The following KCNIP4 variants were observed in gnomAD, a reference collection of about 807,000 sequenced individuals.
The protein encoded by KCNIP4 is potassium voltage-gated channel interacting protein 4.
Under a neutral mutation model 34.0 loss-of-function variants are expected in KCNIP4, and 12 were observed. The ratio of observed to expected loss-of-function variants is 0.35; its 90% CI spans 0.23 to 0.57. The LOEUF (loss-of-function observed/expected upper bound fraction) is 0.57, where lower values mean the gene tolerates loss of function less well. Among genes scored for constraint, KCNIP4 ranks in the 20% least tolerant of loss-of-function variants. The probability of loss-of-function intolerance (pLI) is 0.83; values close to 1 mark genes in which losing one functional copy is unlikely to be tolerated. For synonymous variants in KCNIP4, 124 were observed against 102.2 expected (o/e 1.21, Z -1.29); for missense variants, 238 against 311.7 (o/e 0.76, Z 1.78).
chr4:21,718,522 A>T (rs1714562585), intron 1 of KCNIP4: 1 of 152,252 alleles, frequency 6.6e-6, no homozygotes, highest in African/African-American at 2.4e-5. Flanking sequence ...ACTTAGGTAA[A>T]TAAATGTATG....
intron 1 of KCNIP4, among the ~76,000 whole-genome samples, chr4:21,699,644 T>C (rs779126544): frequency 2.0e-5 from 3 of 152,134 alleles, no homozygotes; most frequent in Non-Finnish European, 4.4e-5. Flanking sequence ...GCGAATGAGC[T>C]TGGCATCCTT....
intron 1 of KCNIP4, among the ~76,000 whole-genome samples, chr4:21,093,131 A>G (rs746303624): frequency 2.6e-4 from 40 of 152,204 alleles, no homozygotes; most frequent in Non-Finnish European, 4.7e-4. Flanking sequence ...CCTTCCTAAT[A>G]AAACCATTAA....
At chr4:21,086,699 T>C (rs1180215465) in intron 1 of KCNIP4, among the ~76,000 whole-genome samples, 1 of 152,096 alleles carries the variant, frequency 6.6e-6, no homozygotes, top group Non-Finnish European at 1.5e-5. Context: ...CCAAGAAAAA[T>C]TCTTCTATCT....
chr4:21,773,216 T>C (rs564023271), intron 1 of KCNIP4, among the ~76,000 whole-genome samples: 20 of 152,268 alleles, frequency 1.3e-4, no homozygotes, highest in South Asian at 1.2e-3. Context: ...TTCCATGAAA[T>C]TTTGTGGTTT....
Position 21,634,223 on chromosome 4 carries a change from CAAA to C in KCNIP4, c.61+314345_61+314347del, listed in dbSNP as rs376741978. Among the ~76,000 whole-genome samples, 629 of 112,486 alleles carry C rather than the reference CAAA, an allele frequency of 5.6e-3. 9 individuals carry two copies. The highest frequency in any genetic ancestry group is 0.018 in the African/African-American group (546 of 31,110). The allele number at this position is 112,486 out of a possible 152,430, so 73.8% of individuals were successfully genotyped here. A position where few individuals can be genotyped will look rare whatever the true frequency, so the allele number is the denominator to read the frequency against. On this transcript the variant is annotated intron_variant, in intron 1 of 8. Coordinates refer to ENST00000382152, the MANE Select transcript of KCNIP4 (RefSeq NM_025221.6). The stretch of plus-strand genomic sequence containing the variant: ...TTAGGAAAGCTACGGGTTCTTTCCT[CAAA>C]AAAAAAAAAAAAAAAAAAAAACACA...
At chr4:21,865,746 T>C (rs1486021363) in intron 1 of KCNIP4, among the ~76,000 whole-genome samples, 2 of 151,920 alleles carry the variant, frequency 1.3e-5, no homozygotes, top group African/African-American at 4.8e-5. Flanking sequence ...TTTTACCATG[T>C]TGGCCAGGCT....
At chr4:21,384,115 C>T (rs1401415885) in intron 1 of KCNIP4, among the ~76,000 whole-genome samples, 1 of 152,104 alleles carries the variant, frequency 6.6e-6, no homozygotes, top group Non-Finnish European at 1.5e-5. Context: ...TTTTGCATGT[C>T]TATCTCCTTA....
chr4:20,881,767 T>C (rs2149523652), intron 2 of KCNIP4, among the ~76,000 whole-genome samples: 1 of 152,306 alleles, frequency 6.6e-6, no homozygotes, highest in South Asian at 2.1e-4. Flanking sequence ...GCTGTGAAGG[T>C]ATTTTGTCGA....
intron 1 of KCNIP4, among the ~76,000 whole-genome samples, chr4:21,713,618 T>C (rs1713918559): frequency 6.6e-6 from 1 of 152,204 alleles, no homozygotes. Context: ...TTTTGAGTCC[T>C]CTCTTCTAGC....
intron 1 of KCNIP4, among the ~76,000 whole-genome samples, chr4:21,547,076 T>A (rs1213406203): frequency 6.6e-6 from 1 of 152,146 alleles, no homozygotes; most frequent in Non-Finnish European, 1.5e-5. Context: ...TGATCCACTG[T>A]GATCAAACCA....
intron 1 of KCNIP4, among the ~76,000 whole-genome samples, chr4:21,734,400 C>T (rs1274737091): frequency 6.8e-6 from 1 of 147,262 alleles, no homozygotes; most frequent in Non-Finnish European, 1.5e-5. Context: ...AAGTAGAACT[C>T]AGTGGAATTC....
chr4:21,590,410 T>A (rs1742103277), intron 1 of KCNIP4, among the ~76,000 whole-genome samples: 3 of 151,834 alleles, frequency 2.0e-5, no homozygotes, highest in Non-Finnish European at 2.9e-5. Flanking sequence ...GTATGAATAA[T>A]CTCAAGACTG....
intron 1 of KCNIP4, among the ~76,000 whole-genome samples, chr4:21,509,607 A>T (rs890810441): frequency 2.0e-5 from 3 of 152,122 alleles, no homozygotes; most frequent in Non-Finnish European, 2.9e-5. Flanking sequence ...GTGAGCCATT[A>T]TCCAAAAACA....
At chr4:21,302,812 T>G (rs1422616894) in intron 1 of KCNIP4, among the ~76,000 whole-genome samples, 1 of 152,200 alleles carries the variant, frequency 6.6e-6, no homozygotes, top group Non-Finnish European at 1.5e-5. Flanking sequence ...AAATGCAATC[T>G]CATTTATGTT....
At chr4:21,191,896 T>C (rs1755674622) in intron 1 of KCNIP4, among the ~76,000 whole-genome samples, 1 of 152,194 alleles carries the variant, frequency 6.6e-6, no homozygotes, top group South Asian at 2.1e-4. Context: ...GTGTTAGTAT[T>C]TTGATTATTT....
intron 1 of KCNIP4, among the ~76,000 whole-genome samples, chr4:21,172,171 G>T (rs1328397516): frequency 6.6e-6 from 1 of 152,036 alleles, no homozygotes; most frequent in Non-Finnish European, 1.5e-5. Context: ...GGGATTATAG[G>T]TATGCGCCAC....
chr4:21,063,821 A>G (rs1317390977), intron 1 of KCNIP4, among the ~76,000 whole-genome samples: 1 of 152,098 alleles, frequency 6.6e-6, no homozygotes, highest in Non-Finnish European at 1.5e-5. Context: ...TTTGAGGGGA[A>G]GTAAAGAGAA....
At chr4:21,034,764 C>T (rs531548680) in intron 1 of KCNIP4, among the ~76,000 whole-genome samples, 20 of 150,310 alleles carry the variant, frequency 1.3e-4, no homozygotes, top group East Asian at 1.2e-3. Flanking sequence ...AAGTAAATGT[C>T]GCTTCCTAAA....
chr4:21,147,956 A>AAAAAAAAAAAAAAAAAAAAAAAAAAG (rs1553945843), intron 1 of KCNIP4, among the ~76,000 whole-genome samples: 11 of 128,432 alleles, frequency 8.6e-5, no homozygotes, highest in African/African-American at 1.5e-4. Context: ...AAAAAAAAAA[A>AAAAAAAAAAAAAAAAAAAAAAAAAAG]AAAAGAAAAA....
Sources: allele counts gnomAD v4.1 joint callset (sites outside exome capture counted in the v4.1 genomes callset), GRCh38; gene constraint gnomAD v4.1.1; transcripts MANE v1.5; gene names NCBI Gene and HGNC (gene_info 2026-07-23, HGNC 2026-07-21).